Variants in RBFOX1 observed in about 807,000 individuals in gnomAD.
RBFOX1 encodes the protein RNA binding fox-1 homolog 1.
In RBFOX1, 8 loss-of-function variants were observed where a neutral mutation model predicts 57.7. That is an observed-to-expected ratio of 0.14 (90% CI 0.08 to 0.25). The LOEUF (loss-of-function observed/expected upper bound fraction) is 0.25. Among genes scored for constraint, RBFOX1 ranks in the 10% least tolerant of loss-of-function variants. The pLI is 1.00. For missense variants in RBFOX1, 611 were observed against 548.5 expected (o/e 1.11, Z -1.14); for synonymous variants, 326 against 222.4 (o/e 1.47, Z -4.15).
At position 6,871,576 on chromosome 16, in the gene RBFOX1, A is replaced by C. The variant is rs549608286; in HGVS notation, c.-15-180481A>C. Among the ~76,000 whole-genome samples the C allele has an allele frequency of 9.9e-5, 15 of 151,898 alleles. No individual in the cohort carries two copies. The East Asian group carries it at 2.9e-3, about 30-fold the overall frequency. ...TATCCCCTCTTAATTACTGACTGAA[A>C]CTTTTTGCTTCTCTCCATTCTCCTT... On this transcript the variant is annotated intron_variant, in intron 3 of 15. Transcript: ENST00000550418.
intron 4 of RBFOX1, among the ~76,000 whole-genome samples, chr16:7,249,974 G>C (rs1020188555): frequency 1.3e-5 from 2 of 152,196 alleles, no homozygotes; most frequent in African/African-American, 4.8e-5. Context: ...ATAATGAAGA[G>C]AAGCATTATA....
intron 1 of RBFOX1, among the ~76,000 whole-genome samples, chr16:5,318,472 T>C (rs1362721165): frequency 1.3e-5 from 2 of 152,176 alleles, no homozygotes; most frequent in Admixed American, 6.5e-5. Context: ...GAATTTGCCT[T>C]CTCATGTTTG....
intron 4 of RBFOX1, among the ~76,000 whole-genome samples, chr16:7,420,888 T>C (rs1568793776): frequency 6.8e-6 from 1 of 147,548 alleles, no homozygotes; most frequent in Non-Finnish European, 1.5e-5. Flanking sequence ...TTAAAATATA[T>C]ATATATATAC....
intron 4 of RBFOX1, among the ~76,000 whole-genome samples, chr16:5,896,324 A>T (rs1364877013): frequency 6.6e-6 from 1 of 152,144 alleles, no homozygotes; most frequent in African/African-American, 2.4e-5. Context: ...GATCGTGGGC[A>T]AGGGTCTTTC....
chr16:6,716,673 T>G (rs552399236), intron 3 of RBFOX1, among the ~76,000 whole-genome samples: 3 of 152,178 alleles, frequency 2.0e-5, no homozygotes, highest in Non-Finnish European at 2.9e-5. Context: ...GTCTTGTTCA[T>G]TCAGCATTTT....
chr16:7,128,802 CT>C (rs1290041530), intron 4 of RBFOX1, among the ~76,000 whole-genome samples: 5 of 141,462 alleles, frequency 3.5e-5, no homozygotes, highest in Admixed American at 7.6e-5. Context: ...ATAATGGTAA[CT>C]TTTTTTTCTT....
intron 4 of RBFOX1, among the ~76,000 whole-genome samples, chr16:7,384,255 C>G (rs1159726390): frequency 6.6e-6 from 1 of 151,484 alleles, no homozygotes; most frequent in Non-Finnish European, 1.5e-5. Flanking sequence ...GAGTATGAAA[C>G]TTATATATGA....
intron 4 of RBFOX1, among the ~76,000 whole-genome samples, chr16:5,944,277 C>G (rs1182858719): frequency 6.6e-6 from 1 of 152,206 alleles, no homozygotes; most frequent in Non-Finnish European, 1.5e-5. Context: ...GGTTGCTTAT[C>G]TCTAGGAATG....
intron 3 of RBFOX1, among the ~76,000 whole-genome samples, chr16:6,868,144 G>A (rs1203638960): frequency 6.6e-6 from 1 of 152,160 alleles, no homozygotes; most frequent in African/African-American, 2.4e-5. Context: ...TTTGAAATTA[G>A]CAAATAATTA....
At chr16:6,811,697 C>G (rs1483821162) in intron 3 of RBFOX1, among the ~76,000 whole-genome samples, 1 of 152,084 alleles carries the variant, frequency 6.6e-6, no homozygotes, top group Non-Finnish European at 1.5e-5. Context: ...TAAGACTAGC[C>G]TGGCCAATAT....
chr16:7,551,046 A>G (rs1464936202), intron 5 of RBFOX1, among the ~76,000 whole-genome samples: 2 of 142,518 alleles, frequency 1.4e-5, no homozygotes, highest in Non-Finnish European at 3.0e-5. Flanking sequence ...GTGAGCTGAG[A>G]TTGTGCCATC....
intron 9 of RBFOX1, among the ~76,000 whole-genome samples, chr16:7,597,810 G>A (rs537153697): frequency 1.2e-4 from 18 of 152,276 alleles, no homozygotes; most frequent in East Asian, 1.9e-4. Flanking sequence ...ATTCCTGGAC[G>A]TGCAGTCACG....
chr16:7,674,876 T>C (rs1307187401), intron 13 of RBFOX1, among the ~76,000 whole-genome samples: 2 of 152,194 alleles, frequency 1.3e-5, no homozygotes, highest in African/African-American at 2.4e-5. Context: ...AGGTGGAGGA[T>C]ATGCAAAGTT....
At chr16:6,443,298 A>G (rs901719869) in intron 2 of RBFOX1, among the ~76,000 whole-genome samples, 1 of 152,044 alleles carries the variant, frequency 6.6e-6, no homozygotes, top group African/African-American at 2.4e-5. Flanking sequence ...TCTCACGTTC[A>G]TTCTCTTTTC....
chr16:7,124,742 G>T (rs948257931), intron 4 of RBFOX1, among the ~76,000 whole-genome samples: 1 of 151,836 alleles, frequency 6.6e-6, no homozygotes, highest in African/African-American at 2.4e-5. Context: ...AAGGTAGCTG[G>T]CTTTAGTTCA....
chr16:7,375,447 A>T (rs531595080), intron 4 of RBFOX1, among the ~76,000 whole-genome samples: 26 of 152,142 alleles, frequency 1.7e-4, no homozygotes, highest in Non-Finnish European at 3.4e-4. Flanking sequence ...TGGAATCTCA[A>T]TCCAGGAAAG....
intron 2 of RBFOX1, among the ~76,000 whole-genome samples, chr16:6,408,737 A>C (rs2093365874): frequency 6.6e-6 from 1 of 152,184 alleles, no homozygotes; most frequent in Admixed American, 6.5e-5. Context: ...GGCATTAGGA[A>C]AATTGAATTC....
intron 1 of RBFOX1, 138 bp from the exon 2 acceptor site, chr16:6,316,857 C>G (rs907574931): frequency 8.3e-6 from 5 of 598,868 alleles, no homozygotes; most frequent in Non-Finnish European, 1.4e-5. Context: ...ATCATCATCA[C>G]CATCATTGCT....
At chr16:6,604,195 C>A (rs537020172) in intron 2 of RBFOX1, among the ~76,000 whole-genome samples, 1 of 151,612 alleles carries the variant, frequency 6.6e-6, no homozygotes, top group Non-Finnish European at 1.5e-5. Context: ...CCAGCAATTC[C>A]TACTGGGGAA....
Sources: allele counts gnomAD v4.1 joint callset (sites outside exome capture counted in the v4.1 genomes callset), GRCh38; gene constraint gnomAD v4.1.1; transcripts MANE v1.5; gene names NCBI Gene and HGNC (gene_info 2026-07-23, HGNC 2026-07-21).